ZFHX3: variants seen among roughly 807,000 people sequenced by gnomAD.
The protein encoded by ZFHX3 is zinc finger homeobox protein 3.
Under a neutral mutation model 279.1 loss-of-function variants are expected in ZFHX3, and 42 were observed. The ratio of observed to expected loss-of-function variants is 0.15; its 90% CI spans 0.12 to 0.19. The LOEUF (loss-of-function observed/expected upper bound fraction) is 0.19. Among genes scored for constraint, ZFHX3 ranks in the 10% least tolerant of loss-of-function variants. ZFHX3 has a pLI of 1.00. For missense variants in ZFHX3, 4,981 were observed against 4,754.0 expected (o/e 1.05, Z -1.40); for synonymous variants, 2,293 against 1,957.8 (o/e 1.17, Z -4.52).
At chr16:73,169,680 A>AT (rs1567408629) in intron 5 of ZFHX3, among the ~76,000 whole-genome samples, 1 of 151,958 alleles carries the variant, frequency 6.6e-6, no homozygotes, top group Non-Finnish European at 1.5e-5. Context: ...AAAAAAAAAA[A>AT]GTAACTAGTG....
At chr16:73,200,950 A>G (rs1430903785) in intron 5 of ZFHX3, among the ~76,000 whole-genome samples, 1 of 152,208 alleles carries the variant, frequency 6.6e-6, no homozygotes, top group Non-Finnish European at 1.5e-5. Context: ...TGTAATGAAC[A>G]TGGTGCTTGC....
chr16:72,842,708 AAATTAAATATATATTATGGTAG>A (rs1364882193), intron 4 of ZFHX3, among the ~76,000 whole-genome samples: 1 of 152,228 alleles, frequency 6.6e-6, no homozygotes, highest in Non-Finnish European at 1.5e-5. Context: ...TTATATCTTA[AAATTAAATATATATTATGGTAG>A]GAAAAAAACC....
At chr16:73,790,663 G>A (rs1959797162) in intron 1 of ZFHX3, among the ~76,000 whole-genome samples, 1 of 152,180 alleles carries the variant, frequency 6.6e-6, no homozygotes, top group African/African-American at 2.4e-5. Context: ...CAAGGCTGGT[G>A]GCCTTATTCT....
intron 7 of ZFHX3, among the ~76,000 whole-genome samples, chr16:73,125,825 T>TAC (rs531378895): frequency 7.9e-5 from 12 of 151,848 alleles, no homozygotes; most frequent in East Asian, 5.8e-4. Flanking sequence ...TGCATATATA[T>TAC]ACACACACAC....
chr16:73,487,014 T>C (rs1010307758), intron 2 of ZFHX3: 1 of 339,264 alleles, frequency 2.9e-6, no homozygotes, highest in South Asian at 2.4e-5. Context: ...ATAAGACTTA[T>C]AAATGGACAG....
At chr16:73,631,757 A>T (rs1332132319) in intron 2 of ZFHX3, among the ~76,000 whole-genome samples, 1 of 152,112 alleles carries the variant, frequency 6.6e-6, no homozygotes, top group Non-Finnish European at 1.5e-5. Context: ...ATATACAAAA[A>T]TTAGCCAGGG....
At chr16:73,033,457 C>T (rs1274188839) in intron 1 of ZFHX3, among the ~76,000 whole-genome samples, 1 of 152,156 alleles carries the variant, frequency 6.6e-6, no homozygotes, top group Non-Finnish European at 1.5e-5. Context: ...GCCTGGTGTC[C>T]CAGCACAGGG....
At chr16:73,803,989 T>G (rs955296501) in intron 1 of ZFHX3, among the ~76,000 whole-genome samples, 3 of 152,046 alleles carry the variant, frequency 2.0e-5, no homozygotes, top group Admixed American at 2.0e-4. Context: ...AAACCGCGTC[T>G]CTACAAAAAA....
intron 1 of ZFHX3, chr16:72,973,250 G>C (rs144984383): frequency 6.6e-6 from 1 of 152,350 alleles, no homozygotes; most frequent in East Asian, 1.9e-4. Flanking sequence ...CATCTTTGCA[G>C]AAAACAGAAA....
chr16:73,675,311 A>G (rs901082154), intron 2 of ZFHX3, among the ~76,000 whole-genome samples: 4 of 152,088 alleles, frequency 2.6e-5, no homozygotes, highest in Non-Finnish European at 4.4e-5. Flanking sequence ...TTTTATGGTT[A>G]ATTAGAGAGC....
chr16:73,194,619 A>G (rs1021197590), intron 5 of ZFHX3, among the ~76,000 whole-genome samples: 1 of 152,254 alleles, frequency 6.6e-6, no homozygotes, highest in African/African-American at 2.4e-5. Flanking sequence ...AGGTCCAAAA[A>G]AGAAAGAAAA....
intron 8 of ZFHX3, among the ~76,000 whole-genome samples, chr16:73,090,136 G>A (rs987809009): frequency 6.6e-6 from 1 of 152,368 alleles, no homozygotes; most frequent in South Asian, 2.1e-4. Context: ...GCTCACACCT[G>A]TAATCCCAGC....
chr16:72,798,642 G>A lies in ZFHX3; in HGVS notation c.4040C>T (p.Ser1347Phe), dbSNP rs2035996166. ...STEQSGDLKP[S>F]PADPGSVRED... ...TCTCACAGAGCCTGGGTCAGCAGGG[G>A]ATGGTTTCAAATCTCCGCTTTGCTC... is the stretch of plus-strand genomic sequence containing the variant. Residue 1347 changes from serine (S) to phenylalanine (F), a missense_variant, in exon 9 of 10, where the codon TCC becomes TTC. Ser to Phe is a radical substitution (Grantham distance 155). Coordinates refer to ENST00000268489, the MANE Select transcript of ZFHX3 (RefSeq NM_006885.4). 6.2e-7 allele frequency: 1 copy of A among 1,613,830 alleles called. No homozygotes were observed. The highest frequency in any genetic ancestry group is 1.6e-4 in the Middle Eastern group (1 of 6,062).
intron 3 of ZFHX3, among the ~76,000 whole-genome samples, chr16:73,346,139 C>T (rs1490864550): frequency 6.6e-6 from 1 of 152,166 alleles, no homozygotes; most frequent in African/African-American, 2.4e-5. Flanking sequence ...GAGAGACCCC[C>T]AGTCAAATCG....
chr16:73,248,411 G>T (rs1316289352), intron 5 of ZFHX3, among the ~76,000 whole-genome samples: 1 of 150,846 alleles, frequency 6.6e-6, no homozygotes, highest in Admixed American at 6.6e-5. Context: ...TGTGTGCACT[G>T]TGCATATAAT....
chr16:73,168,222 TCTTTC>T (rs1967429428), intron 5 of ZFHX3, among the ~76,000 whole-genome samples: 1 of 128,156 alleles, frequency 7.8e-6, no homozygotes, highest in Admixed American at 8.0e-5. Flanking sequence ...TTTCTTTCTT[TCTTTC>T]TTTCTTTCTT....
intron 1 of ZFHX3, chr16:73,005,627 A>C (rs546462340): frequency 6.6e-6 from 1 of 152,388 alleles, no homozygotes; most frequent in African/African-American, 2.4e-5. Context: ...TCCCGTCTCT[A>C]CTAAAAATAC....
chr16:72,979,714 T>C (rs1962502581), intron 1 of ZFHX3, among the ~76,000 whole-genome samples: 2 of 152,068 alleles, frequency 1.3e-5, no homozygotes, highest in Admixed American at 6.6e-5. Flanking sequence ...GTTTACAATA[T>C]ACAATACAAC....
At chr16:73,695,233 T>G (rs1001819448) in intron 1 of ZFHX3, among the ~76,000 whole-genome samples, 2 of 74,024 alleles carry the variant, frequency 2.7e-5, no homozygotes, top group African/African-American at 3.6e-5. Flanking sequence ...TCAAATACAG[T>G]TTTTTTTTGT....
Sources: gnomAD v4.1 joint callset for allele counts (sites outside exome capture counted in the v4.1 genomes callset) on GRCh38, gnomAD v4.1.1 for gene constraint, MANE v1.5 for transcripts, NCBI Gene and HGNC (gene_info 2026-07-23, HGNC 2026-07-21) for gene names.